Variants in FBXO32 observed in about 807,000 individuals in gnomAD.
FBXO32 encodes the protein F-box protein 32.
FBXO32 carries 15 observed loss-of-function variants against 48.3 expected under a neutral mutation model. The ratio of observed to expected loss-of-function variants is 0.31; its 90% CI spans 0.21 to 0.48. FBXO32 has a LOEUF of 0.48. FBXO32 is among the 20% of genes least tolerant of loss of function. The pLI is 0.99. For synonymous variants in FBXO32, 154 were observed against 165.9 expected (o/e 0.93, Z 0.55); for missense variants, 309 against 432.7 (o/e 0.71, Z 2.54).
rs376074767 is a variant in FBXO32 at position 123,506,454 on chromosome 8, C to T, written c.772G>A (p.Val258Met). Residue 258 changes from valine to methionine, a missense_variant, in exon 7 of 9, where the codon GTG (valine) becomes ATG (methionine). Coordinates refer to ENST00000517956, the MANE Select transcript of FBXO32 (RefSeq NM_058229.4). This position sits in a 1 kb window ranked among gnomAD's most constrained non-coding sequence, Gnocchi z 4.0. ...SLGQAAPDLHVLSEDRLLWKK... is the reference protein window; with the variant it reads ...SLGQAAPDLHMLSEDRLLWKK... ...CACAGCAGCCGGTCTTCGCTGAGCA[C>T]GTGCAGGTCGGGGGCAGCCTGGCCC... 6.8e-6 allele frequency: 11 copies of T among 1,614,002 alleles called. No individual in the cohort carries two copies. The highest frequency in any genetic ancestry group is 1.1e-5 in the South Asian group (1 of 91,080).
chr8:123,523,039 T>C (rs1816992964), intron 4 of FBXO32, among the ~76,000 whole-genome samples: 1 of 152,188 alleles, frequency 6.6e-6, no homozygotes, highest in Admixed American at 6.5e-5. Context: ...ATTTGCCGCA[T>C]GTGGAGACCT....
chr8:123,509,968 A>G (rs1816704052), intron 6 of FBXO32, among the ~76,000 whole-genome samples: 1 of 152,202 alleles, frequency 6.6e-6, no homozygotes, highest in African/African-American at 2.4e-5. Flanking sequence ...ATAACATGAG[A>G]AAAAGCTTAT....
intron 4 of FBXO32, among the ~76,000 whole-genome samples, chr8:123,524,609 C>T (rs1359998434): frequency 1.3e-5 from 2 of 152,124 alleles, no homozygotes; most frequent in Non-Finnish European, 2.9e-5. Flanking sequence ...GATCTTGGCT[C>T]CCGGGTTCAA....
rs1056226499 is a variant in FBXO32 at position 123,502,737 on chromosome 8, CACTT to C, written c.*632_*635del. ...AAATCACTTTTTATAGTGATGAAAA[CACTT>C]ACGAGAAAAACAGACACTGCCTACT... On this transcript the variant is annotated 3_prime_UTR_variant, in exon 9 of 9. Coordinates refer to ENST00000517956, the MANE Select transcript of FBXO32 (RefSeq NM_058229.4). 6 of 152,196 alleles carry C rather than the reference CACTT, an allele frequency of 3.9e-5. No individual in the cohort carries two copies. The highest frequency in any genetic ancestry group is 5.9e-5 in the Non-Finnish European group (4 of 68,048). 9.4% of individuals were successfully genotyped at this position (152,196 alleles called of 1,614,324 possible). A position where few individuals can be genotyped will look rare whatever the true frequency, so the allele number is the denominator to read the frequency against.
chr8:123,531,757 T>C, intron 4 of FBXO32, 141 bp downstream of exon 4: 1 of 923,354 alleles, frequency 1.1e-6, no homozygotes, highest in Non-Finnish European at 1.6e-6. Context: ...AGAAGGAGAT[T>C]GAGGGGTCTG....
chr8:123,505,097 A>T (rs570854824), intron 7 of FBXO32, among the ~76,000 whole-genome samples: 31 of 152,338 alleles, frequency 2.0e-4, no homozygotes, highest in Non-Finnish European at 3.2e-4. Flanking sequence ...TTGAGTGATC[A>T]TTTCCAGGGA....
At chr8:123,519,414 G>A (rs1033600142) in intron 4 of FBXO32, among the ~76,000 whole-genome samples, 1 of 151,866 alleles carries the variant, frequency 6.6e-6, no homozygotes, top group Non-Finnish European at 1.5e-5. Context: ...AGCCGGATGC[G>A]GTGGCGGGTG....
chr8:123,523,551 C>T (rs1435708747), intron 4 of FBXO32, among the ~76,000 whole-genome samples: 1 of 151,996 alleles, frequency 6.6e-6, no homozygotes, highest in Non-Finnish European at 1.5e-5. Flanking sequence ...GATCGCGGCA[C>T]TGCACTCCAG....
At chr8:123,528,581 A>G (rs1038564439) in intron 4 of FBXO32, among the ~76,000 whole-genome samples, 1 of 152,184 alleles carries the variant, frequency 6.6e-6, no homozygotes, top group African/African-American at 2.4e-5. Context: ...GGGCCAATGC[A>G]TGTAGCTTGT....
In FBXO32 at chr8:123,506,737, A is replaced by C. The variant is rs1230199276; in HGVS notation, c.652-163T>G. 4.8e-6 allele frequency: 3 copies of C among 622,138 alleles called. No homozygotes were observed. Among genetic ancestry groups the C allele is most frequent in the African/African-American group, 1.9e-5 (1 of 53,826 alleles). The allele number at this position is 622,138 out of a possible 1,614,324, so 38.5% of individuals were successfully genotyped here. A position where few individuals can be genotyped will look rare whatever the true frequency, so the allele number is the denominator to read the frequency against. ...TCTCCCCATCCTAAATGCAGACAGG[A>C]GACCATGGCCATGACCCTCAATGAA... On this transcript the variant is annotated intron_variant, in intron 6 of 8. Coordinates refer to ENST00000517956, the MANE Select transcript of FBXO32 (RefSeq NM_058229.4). This position sits in a 1 kb window ranked among gnomAD's most constrained non-coding sequence, Gnocchi z 4.0.
At chr8:123,507,438 G>GGTGTGTGTGTGTGTGT (rs200031056) in intron 6 of FBXO32, among the ~76,000 whole-genome samples, 2 of 139,888 alleles carry the variant, frequency 1.4e-5, no homozygotes, top group African/African-American at 2.7e-5. Context: ...TCTGTGCTAG[G>GGTGTGTGTGTGTGTGT]GTGTGTGTGT....
chr8:123,531,603 G>A lies in FBXO32; in HGVS notation c.372+295C>T, dbSNP rs371355568. Among the ~76,000 whole-genome samples the A allele has an allele frequency of 9.8e-5, 15 of 152,308 alleles. No individual in the cohort carries two copies. The East Asian group carries it at 2.5e-3, about 25-fold the overall frequency. On this transcript the variant is annotated intron_variant, in intron 4 of 8. Coordinates refer to ENST00000517956, the MANE Select transcript of FBXO32 (RefSeq NM_058229.4). ...TCCCACGTATCCACAGGGTGGGCTC[G>A]GAAGGGGCCTGGTGTGAAATTTCAC...
chr8:123,530,967 G>T (rs1444802583), intron 4 of FBXO32, among the ~76,000 whole-genome samples: 1 of 123,944 alleles, frequency 8.1e-6, no homozygotes, highest in Non-Finnish European at 1.6e-5. Context: ...AACAGATCCA[G>T]TCAGATTTTT....
At chr8:123,520,457 G>C (rs1586996007) in intron 4 of FBXO32, among the ~76,000 whole-genome samples, 2 of 152,296 alleles carry the variant, frequency 1.3e-5, no homozygotes, top group South Asian at 4.1e-4. Flanking sequence ...TGAGCTACTG[G>C]AGGGAGGGAT....
rs1463575132 is a variant in FBXO32, at chr8:123,525,954, C to T, written c.372+5944G>A. 1.3e-5 allele frequency among the ~76,000 whole-genome samples: 2 copies of T among 151,992 alleles called. No individual in the cohort carries two copies. Among genetic ancestry groups the T allele is most frequent in the South Asian group, 2.1e-4 (1 of 4,812 alleles). On this transcript the variant is annotated intron_variant, in intron 4 of 8. Transcript: ENST00000517956. The surrounding 1 kb of genome is among the most constrained non-coding windows in gnomAD (Gnocchi z 4.3). ...TTTTTTTTCCAGTGGCTTCCTCCTGCGTACTAGATAATATAGCCTCACACT... is the reference window on the plus strand; with the variant it reads ...TTTTTTTTCCAGTGGCTTCCTCCTGTGTACTAGATAATATAGCCTCACACT...
chr8:123,508,191 G>A (rs566633526), intron 6 of FBXO32, among the ~76,000 whole-genome samples: 1 of 152,160 alleles, frequency 6.6e-6, no homozygotes, highest in Non-Finnish European at 1.5e-5. Context: ...AATATCCTGA[G>A]AATGGGTATC....
chr8:123,506,300 C>A lies in FBXO32; in HGVS notation c.834+92G>T. On this transcript the variant is annotated intron_variant, in intron 7 of 8. Transcript: ENST00000517956. The surrounding 1 kb of genome is among the most constrained non-coding windows in gnomAD (Gnocchi z 4.0). ...ACCAGGGAACCTGGAATAGGGGGAACCCAGACCTCAGGCTTGAGCAGGGCA... is the reference window on the plus strand; with the variant it reads ...ACCAGGGAACCTGGAATAGGGGGAAACCAGACCTCAGGCTTGAGCAGGGCA... 3 of 1,405,010 alleles carry A rather than the reference C, an allele frequency of 2.1e-6. No individual in the cohort carries two copies. The highest frequency in any genetic ancestry group is 3.0e-6 in the Non-Finnish European group (3 of 1,012,702). The allele number at this position is 1,405,010 out of a possible 1,614,324, so 87.0% of individuals were successfully genotyped here.
chr8:123,504,846 C>T (rs747468865), intron 7 of FBXO32, 99 bp from the exon 8 acceptor site: 1 of 1,175,234 alleles, frequency 8.5e-7, no homozygotes, highest in Non-Finnish European at 1.2e-6. Flanking sequence ...ACCCTTTCCC[C>T]CTCTTTTCAG....
Position 123,506,599 on chromosome 8 carries a change from G to GT in FBXO32, c.652-26dup, listed in dbSNP as rs1563919390. The GT allele has an allele frequency of 6.4e-7, 1 of 1,559,098 alleles. No individual in the cohort carries two copies. Among genetic ancestry groups the GT allele is most frequent in the South Asian group, 1.2e-5 (1 of 82,850 alleles). On this transcript the variant is annotated intron_variant, in intron 6 of 8. Coordinates refer to ENST00000517956, the MANE Select transcript of FBXO32 (RefSeq NM_058229.4). This position sits in a 1 kb window ranked among gnomAD's most constrained non-coding sequence, Gnocchi z 4.0. ...GCTGCAGAGAGAAGGGTGACAATAG[G>GT]TGGGGGGGCCAGAGAGCAGCGATTC...
Sources: gnomAD v4.1 joint callset for allele counts (sites outside exome capture counted in the v4.1 genomes callset) on GRCh38, gnomAD v4.1.1 for gene constraint, Gnocchi (gnomAD v3.1) non-coding constraint, MANE v1.5 for transcripts, NCBI Gene and HGNC (gene_info 2026-07-23, HGNC 2026-07-21) for gene names.